Variants in ALK observed in about 807,000 individuals in gnomAD.
The protein encoded by ALK is ALK tyrosine kinase receptor.
ALK carries 74 observed loss-of-function variants against 163.1 expected under a neutral mutation model. That is an observed-to-expected ratio of 0.45 (90% CI 0.38 to 0.55). ALK has a LOEUF of 0.55. ALK is among the 20% of genes least tolerant of loss of function. The pLI is 0.00. For synonymous variants in ALK, 960 were observed against 843.2 expected, an observed-to-expected ratio of 1.14 and a Z score of -2.40; for missense variants, 2,063 against 2,105.3, an observed-to-expected ratio of 0.98 and a Z score of 0.39.
At chr2:29,888,583 G>T (rs539209798) in intron 1 of ALK, among the ~76,000 whole-genome samples, 1 of 152,248 alleles carries the variant, frequency 6.6e-6, no homozygotes, top group Admixed American at 6.5e-5. Flanking sequence ...GGCACCAGTG[G>T]CATTGAAATG....
chr2:29,574,998 G>A (rs1222326060), intron 3 of ALK, among the ~76,000 whole-genome samples: 1 of 152,116 alleles, frequency 6.6e-6, no homozygotes, highest in Non-Finnish European at 1.5e-5. Context: ...ACAACCAGCG[G>A]CACTCCAGCT....
chr2:29,641,149 T>A (rs10180595), intron 3 of ALK, among the ~76,000 whole-genome samples: 105 of 152,162 alleles, frequency 6.9e-4, no homozygotes, highest in African/African-American at 2.5e-3. Context: ...TTGTGTTTTA[T>A]CCTAAAATAA....
At chr2:29,216,814 ATATG>A (rs1181254404) in intron 23 of ALK, among the ~76,000 whole-genome samples, 1 of 143,670 alleles carries the variant, frequency 7.0e-6, no homozygotes, top group Non-Finnish European at 1.5e-5. Flanking sequence ...TATGTGGCAT[ATATG>A]TGTGTGGTGT....
At chr2:29,328,507 A>G in intron 5 of ALK, 26 bp from the exon 6 acceptor site, 1 of 1,613,862 alleles carries the variant, frequency 6.2e-7, no homozygotes, top group Non-Finnish European at 8.5e-7. Flanking sequence ...ACACACAACC[A>G]TGGTAAGTTT....
At position 29,245,492 on chromosome 2, in the gene ALK, C is replaced by T. The variant is rs527592121; in HGVS notation, c.2204+5613G>A. Among the ~76,000 whole-genome samples, 15 of 145,716 alleles carry T rather than the reference C, an allele frequency of 1.0e-4. 1 individual carries two copies. Among genetic ancestry groups the T allele is most frequent in the African/African-American group, 3.6e-4 (14 of 39,038 alleles). On this transcript the variant is annotated intron_variant, in intron 12 of 28. Transcript: ENST00000389048. ...CTCAGTGCCCTGCACACAGTAGGGG[C>T]TTTATGACTCAGTGCCCTGCACATA...
intron 4 of ALK, among the ~76,000 whole-genome samples, chr2:29,508,025 G>A (rs1382225584): frequency 6.6e-6 from 1 of 152,122 alleles, no homozygotes; most frequent in East Asian, 1.9e-4. Context: ...CGTGAGTGTG[G>A]TTAGCCTGAG....
intron 4 of ALK, among the ~76,000 whole-genome samples, chr2:29,452,964 T>C (rs541830909): frequency 6.6e-6 from 1 of 152,174 alleles, no homozygotes; most frequent in Non-Finnish European, 1.5e-5. Flanking sequence ...AGAACTGTCA[T>C]ACATGGGAGG....
intron 6 of ALK, among the ~76,000 whole-genome samples, chr2:29,323,349 G>C (rs1240884536): frequency 2.0e-5 from 3 of 152,210 alleles, no homozygotes; most frequent in Non-Finnish European, 4.4e-5. Flanking sequence ...AATGCTTGTT[G>C]GAGGCTGCAT....
chr2:29,508,607 T>TA (rs1309244978), intron 4 of ALK, among the ~76,000 whole-genome samples: 1 of 151,342 alleles, frequency 6.6e-6, no homozygotes, highest in Non-Finnish European at 1.5e-5. Context: ...AATGATGAGT[T>TA]AATGGGTGCA....
chr2:29,301,583 G>A (rs574097730), intron 8 of ALK, among the ~76,000 whole-genome samples: 3 of 152,330 alleles, frequency 2.0e-5, no homozygotes, highest in African/African-American at 7.2e-5. Context: ...CTATGGGTCA[G>A]GGACCAGGGA....
chr2:29,528,487 G>A (rs1558368525), intron 4 of ALK, among the ~76,000 whole-genome samples: 1 of 152,136 alleles, frequency 6.6e-6, no homozygotes, highest in Non-Finnish European at 1.5e-5. Context: ...TTAATAATAC[G>A]AGCCTCAATT....
chr2:29,248,649 T>C (rs1664745822), intron 12 of ALK, among the ~76,000 whole-genome samples: 1 of 152,188 alleles, frequency 6.6e-6, no homozygotes, highest in South Asian at 2.1e-4. Context: ...TCAGTCTCAA[T>C]ATTTCAAAGA....
At chr2:29,548,555 G>C (rs201152675) in intron 3 of ALK, among the ~76,000 whole-genome samples, 1 of 121,248 alleles carries the variant, frequency 8.2e-6, no homozygotes. Context: ...CGCTCTTCTT[G>C]TGGGAAACAC....
chr2:29,905,266 A>G (rs1416368754), intron 1 of ALK, among the ~76,000 whole-genome samples: 1 of 152,210 alleles, frequency 6.6e-6, no homozygotes, highest in African/African-American at 2.4e-5. Flanking sequence ...GGATCCCTTA[A>G]AGTGCTTCTG....
chr2:29,448,738 T>C (rs986378160), intron 4 of ALK, among the ~76,000 whole-genome samples: 1 of 152,226 alleles, frequency 6.6e-6, no homozygotes, highest in Non-Finnish European at 1.5e-5. Context: ...AAAGCAGCCA[T>C]GCAGGTGAAT....
At chr2:29,324,568 T>A (rs1406514661) in intron 6 of ALK, among the ~76,000 whole-genome samples, 3 of 152,310 alleles carry the variant, frequency 2.0e-5, no homozygotes, top group South Asian at 2.1e-4. Flanking sequence ...AGGAAGAGTA[T>A]CCCCAGCACA....
intron 3 of ALK, among the ~76,000 whole-genome samples, chr2:29,591,070 CAAAAAAAAAAAAAA>C (rs35070273): frequency 4.3e-5 from 2 of 46,912 alleles, no homozygotes; most frequent in Admixed American, 3.6e-4. Flanking sequence ...GACTCCGTCT[CAAAAAAAAAAAAAA>C]AAAAAAAAAA....
chr2:29,469,235 C>T (rs953926423), intron 4 of ALK, among the ~76,000 whole-genome samples: 1 of 152,202 alleles, frequency 6.6e-6, no homozygotes, highest in Admixed American at 6.5e-5. Flanking sequence ...AACCATTCCA[C>T]ATCTGTGGAC....
At chr2:29,525,421 C>T (rs1672931388) in intron 4 of ALK, among the ~76,000 whole-genome samples, 1 of 152,090 alleles carries the variant, frequency 6.6e-6, no homozygotes, top group African/African-American at 2.4e-5. Flanking sequence ...TGGTGCACAC[C>T]CAGAATCCCT....
Sources: allele counts gnomAD v4.1 joint callset (sites outside exome capture counted in the v4.1 genomes callset), GRCh38; gene constraint gnomAD v4.1.1; transcripts MANE v1.5; gene names NCBI Gene and HGNC (gene_info 2026-07-23, HGNC 2026-07-21).